Variants in RYR2 observed in about 807,000 individuals in gnomAD.
The protein encoded by RYR2 is ryanodine receptor 2, also known as cardiac muscle ryanodine receptor-calcium release channel.
A neutral mutation model predicts 601.1 loss-of-function variants in RYR2; 227 were observed. The observed-to-expected ratio is 0.38, with a 90% CI of 0.34 to 0.42. RYR2 has a LOEUF of 0.42. Among genes scored for constraint, RYR2 ranks in the 10% least tolerant of loss-of-function variants. The pLI is 1.00. For missense variants in RYR2, 4,646 were observed against 6,156.5 expected (o/e 0.75, Z 8.21); for synonymous variants, 2,223 against 2,175.1 (o/e 1.02, Z -0.61).
At chr1:237,253,089 C>A (rs10802594) in intron 1 of RYR2, among the ~76,000 whole-genome samples, 1 of 149,578 alleles carries the variant, frequency 6.7e-6, no homozygotes, top group Non-Finnish European at 1.5e-5. Flanking sequence ...CGCTTGTACC[C>A]GGAGAGGGAG....
chr1:237,717,226 A>C lies in RYR2; in HGVS notation c.10352A>C (p.Lys3451Thr). 6.2e-7 allele frequency: 1 copy of C among 1,613,714 alleles called. No homozygotes were observed. Among genetic ancestry groups the C allele is most frequent in the Non-Finnish European group, 8.5e-7 (1 of 1,179,718 alleles). Residue 3451 changes from lysine to threonine, a missense_variant, in exon 72 of 105, where the codon AAA becomes ACA. By Grantham distance (78) the Lys-to-Thr change is moderately conservative. Transcript: ENST00000366574. ...GCTGTTTCTGATCAGGAAAGGAAGA[A>C]AATGAAGCGCAAAGGAGATCGGTAT... Reference protein sequence around the residue: ...KAAVSDQERKKMKRKGDRYSM... With the variant: ...KAAVSDQERKTMKRKGDRYSM...
At chr1:237,385,770 A>G (rs1332532257) in intron 8 of RYR2, among the ~76,000 whole-genome samples, 1 of 152,174 alleles carries the variant, frequency 6.6e-6, no homozygotes, top group Non-Finnish European at 1.5e-5. Flanking sequence ...TATGTTTATG[A>G]TACTTTGATT....
At chr1:237,756,526 A>G (rs1692969281) in intron 81 of RYR2, 139 bp downstream of exon 81, 1 of 541,776 alleles carries the variant, frequency 1.8e-6, no homozygotes, top group East Asian at 3.0e-5. Context: ...GTGCCTATTC[A>G]CAAATACGAG....
At chr1:237,281,497 G>C (rs1402448214) in intron 2 of RYR2, among the ~76,000 whole-genome samples, 1 of 152,204 alleles carries the variant, frequency 6.6e-6, no homozygotes, top group Non-Finnish European at 1.5e-5. Context: ...CCTACCTGGA[G>C]TTCACCTCTT....
At chr1:237,272,387 G>A (rs2149353059) in intron 2 of RYR2, among the ~76,000 whole-genome samples, 1 of 151,938 alleles carries the variant, frequency 6.6e-6, no homozygotes, top group South Asian at 2.1e-4. Context: ...TTCAAGTAGT[G>A]GGGAGAACCA....
chr1:237,165,352 CT>C (rs1676585730), intron 1 of RYR2, among the ~76,000 whole-genome samples: 1 of 152,132 alleles, frequency 6.6e-6, no homozygotes, highest in Non-Finnish European at 1.5e-5. Flanking sequence ...CAGACTCCTG[CT>C]GAACTAATAG....
chr1:237,289,182 C>T (rs1691927682), intron 2 of RYR2, among the ~76,000 whole-genome samples: 1 of 152,194 alleles, frequency 6.6e-6, no homozygotes, highest in Admixed American at 6.5e-5. Flanking sequence ...CAGGAGCAGT[C>T]CGCTTCCTTC....
At chr1:237,697,315 GGT>G (rs556284201) in intron 63 of RYR2, among the ~76,000 whole-genome samples, 4 of 142,522 alleles carry the variant, frequency 2.8e-5, no homozygotes, top group East Asian at 2.0e-4. Context: ...AGTTTCTGTA[GGT>G]GTGTGTGTGT....
At chr1:237,518,934 T>C (rs960257391) in intron 24 of RYR2, among the ~76,000 whole-genome samples, 7 of 152,170 alleles carry the variant, frequency 4.6e-5, no homozygotes, top group African/African-American at 1.7e-4. Context: ...TTTTTTTGTT[T>C]GTTTGTTTGC....
Position 237,610,931 on chromosome 1 carries a change from T to C in RYR2, c.4853T>C (p.Leu1618Ser), listed in dbSNP as rs748342881. The C allele has an allele frequency of 6.2e-7, 1 of 1,613,632 alleles. No homozygotes were observed. Among genetic ancestry groups the C allele is most frequent in the South Asian group, 1.1e-5 (1 of 90,958 alleles). Reference protein sequence around the residue: ...VSRISERQGWLVQCLDPLQFM... With the variant: ...VSRISERQGWSVQCLDPLQFM... ...CGAATAAGTGAACGCCAAGGCTGGT[T>C]GGTGCAGTGTTTGGATCCTCTGCAG... The change falls in exon 36 of 105, where the codon TTG becomes TCG. Residue 1618 changes from leucine (L) to serine (S), a missense_variant. By Grantham distance (145) the Leu-to-Ser change is moderately radical. Coordinates refer to ENST00000366574, the MANE Select transcript of RYR2 (RefSeq NM_001035.3). This position sits in a 1 kb window ranked among gnomAD's most constrained non-coding sequence, Gnocchi z 4.9.
chr1:237,665,169 G>A (rs1399566421), intron 56 of RYR2, among the ~76,000 whole-genome samples: 1 of 152,088 alleles, frequency 6.6e-6, no homozygotes, highest in Non-Finnish European at 1.5e-5. Context: ...GGGAGGCCGA[G>A]GCGGGTGGAT....
chr1:237,708,263 G>GTAGA (rs2149064041), intron 68 of RYR2, among the ~76,000 whole-genome samples: 1 of 152,202 alleles, frequency 6.6e-6, no homozygotes, highest in East Asian at 1.9e-4. Context: ...ATTAATTTGG[G>GTAGA]TAGATGATTA....
At chr1:237,243,911 C>T (rs77988258) in intron 1 of RYR2, among the ~76,000 whole-genome samples, 2,140 of 152,296 alleles carry the variant, frequency 0.014, 58 homozygotes, top group African/African-American at 0.048. Flanking sequence ...TCCAGTCACA[C>T]ATTATGCCAG....
intron 10 of RYR2, among the ~76,000 whole-genome samples, chr1:237,399,765 A>AG (rs1325088816): frequency 6.6e-6 from 1 of 151,750 alleles, no homozygotes; most frequent in Non-Finnish European, 1.5e-5. Flanking sequence ...GGGGGAGGGG[A>AG]GGGGAGGTAC....
rs945125963 is a variant in RYR2 at position 237,374,728 on chromosome 1, C to G, written c.396C>G (p.Cys132Trp). The G allele has an allele frequency of 6.2e-7, 1 of 1,612,344 alleles. No individual in the cohort carries two copies. The highest frequency in any genetic ancestry group is 1.3e-5 in the African/African-American group (1 of 74,888). The change falls in exon 7 of 105, where the codon TGC (cysteine) becomes TGG (tryptophan). Residue 132 changes from cysteine (C) to tryptophan (W), a missense_variant. Physicochemically the swap from Cys to Trp is radical, Grantham distance 215. Around this residue, in one of 17 missense-constraint regions of RYR2, gnomAD observed 153 missense variants for 203.6 expected, o/e 0.75. Coordinates refer to ENST00000366574, the MANE Select transcript of RYR2 (RefSeq NM_001035.3). ...TTTGTACTTTGTAGTATCTGTGCTG[C>G]CTGTCCACCTCCCGGTCTTCAACTG... is the stretch of plus-strand genomic sequence containing the variant. ...RHSYSGMYLC[C>W]LSTSRSSTDK...
intron 16 of RYR2, among the ~76,000 whole-genome samples, chr1:237,458,157 G>C (rs776591894): frequency 6.6e-6 from 1 of 152,198 alleles, no homozygotes; most frequent in Non-Finnish European, 1.5e-5. Flanking sequence ...ACCGGGCACA[G>C]TGGCTGACAC....
In RYR2 at chr1:237,280,815, C is replaced by G. The variant is rs138843983; in HGVS notation, c.168+10199C>G. On this transcript the variant is annotated intron_variant, in intron 2 of 104. Transcript: ENST00000366574. ...TTTTTTGTTTTCTGAGATGGAGTCT[C>G]ACTCTGTCTCCCGGGCTGGAGTGCA... Among the ~76,000 whole-genome samples, 519 of 148,176 alleles carry G rather than the reference C, an allele frequency of 3.5e-3. 1 individual carries two copies. Among genetic ancestry groups the G allele is most frequent in the African/African-American group, 0.012 (504 of 40,542 alleles).
chr1:237,805,351 C>T (rs971131255), intron 98 of RYR2, among the ~76,000 whole-genome samples: 2 of 151,876 alleles, frequency 1.3e-5, no homozygotes, highest in Non-Finnish European at 2.9e-5. Context: ...GAGGCCGAGG[C>T]GGGTGGATCA....
intron 1 of RYR2, among the ~76,000 whole-genome samples, chr1:237,204,897 G>A (rs1681624993): frequency 6.6e-6 from 1 of 152,314 alleles, no homozygotes; most frequent in Non-Finnish European, 1.5e-5. Context: ...AATCCAGCAA[G>A]GGAGGCAGAT....
Sources: gnomAD v4.1 joint callset for allele counts (sites outside exome capture counted in the v4.1 genomes callset) on GRCh38, gnomAD v4.1.1 for gene constraint, gnomAD v4.1.1 regional missense constraint, Gnocchi (gnomAD v3.1) non-coding constraint, MANE v1.5 for transcripts, NCBI Gene and HGNC (gene_info 2026-07-23, HGNC 2026-07-21) for gene names.